Variants in SEMA4D observed in about 807,000 individuals in gnomAD.
The protein encoded by SEMA4D is semaphorin 4D, also known as semaphorin-4D.
SEMA4D carries 22 observed loss-of-function variants against 74.8 expected under a neutral mutation model. The ratio of observed to expected loss-of-function variants is 0.29; its 90% CI spans 0.21 to 0.42. SEMA4D has a LOEUF of 0.42. SEMA4D is among the 10% of genes least tolerant of loss of function. The pLI, the probability that SEMA4D is intolerant of heterozygous loss-of-function variation, is 1.00. For missense variants in SEMA4D, 937 were observed against 1,118.4 expected, an observed-to-expected ratio of 0.84 and a Z score of 2.31; for synonymous variants, 445 against 463.7, an observed-to-expected ratio of 0.96 and a Z score of 0.52.
At chr9:89,427,875 A>C (rs992822906) in intron 2 of SEMA4D, among the ~76,000 whole-genome samples, 5 of 152,042 alleles carry the variant, frequency 3.3e-5, no homozygotes, top group African/African-American at 1.2e-4. Context: ...ATTGCCCCCC[A>C]CACAGTCACC....
At chr9:89,422,370 G>A (rs186763889) in intron 2 of SEMA4D, among the ~76,000 whole-genome samples, 56 of 152,358 alleles carry the variant, frequency 3.7e-4, no homozygotes, top group African/African-American at 1.3e-3. Context: ...CTGGCTTGGG[G>A]AGGGCAGGCC....
intron 2 of SEMA4D, among the ~76,000 whole-genome samples, chr9:89,408,882 C>A (rs888517716): frequency 2.6e-5 from 4 of 152,230 alleles, no homozygotes; most frequent in African/African-American, 4.8e-5. Context: ...CAACCTCTCT[C>A]GTGGCATGTC....
chr9:89,362,398 G>A (rs1346010040), exon 19 of SEMA4D: 1 of 1,614,072 alleles, frequency 6.2e-7, no homozygotes, highest in Non-Finnish European at 8.5e-7. Flanking sequence ...CTCCTTCCTG[G>A]TGGCTACAGG....
At chr9:89,491,347 A>G (rs1412876759) in intron 1 of SEMA4D, among the ~76,000 whole-genome samples, 1 of 152,182 alleles carries the variant, frequency 6.6e-6, no homozygotes, top group Non-Finnish European at 1.5e-5. Flanking sequence ...AGGAGGGTGG[A>G]TCACCTGAGC....
chr9:89,428,749 G>C (rs1046568333), intron 2 of SEMA4D, among the ~76,000 whole-genome samples: 1 of 152,248 alleles, frequency 6.6e-6, no homozygotes, highest in African/African-American at 2.4e-5. Flanking sequence ...CCCACCTCCA[G>C]GGGCAGGGTG....
chr9:89,468,414 C>T (rs1859304281), intron 1 of SEMA4D, among the ~76,000 whole-genome samples: 1 of 152,106 alleles, frequency 6.6e-6, no homozygotes, highest in African/African-American at 2.4e-5. Context: ...ACTTTATGAC[C>T]TAAGATGAAA....
At chr9:89,467,240 C>A (rs1196763173) in intron 1 of SEMA4D, among the ~76,000 whole-genome samples, 2 of 152,178 alleles carry the variant, frequency 1.3e-5, no homozygotes, top group Non-Finnish European at 2.9e-5. Context: ...GTCCTCACAT[C>A]CCCAGCTTCC....
intron 1 of SEMA4D, among the ~76,000 whole-genome samples, chr9:89,487,664 AG>A (rs1205614160): frequency 1.3e-5 from 2 of 152,230 alleles, no homozygotes; most frequent in Non-Finnish European, 2.9e-5. Context: ...ATAGCGACTT[AG>A]CAAGGTTCAC....
intron 1 of SEMA4D, among the ~76,000 whole-genome samples, chr9:89,461,700 C>CTTTT (rs61696689): frequency 0.11 from 11,421 of 103,008 alleles, 983 homozygotes; most frequent in Non-Finnish European, 0.17. Flanking sequence ...TCTTTTTTCT[C>CTTTT]TTTTTTTTTT....
At chr9:89,363,944 G>A in exon 17 of SEMA4D, 1 of 1,614,080 alleles carries the variant, frequency 6.2e-7, no homozygotes, top group South Asian at 1.1e-5. Context: ...GCGAATGTCT[G>A]CAGGACCTGG....
rs561505676 is a variant in SEMA4D at position 89,364,093 on chromosome 9, T to C, written c.1883-143A>G. 1.6e-5 allele frequency: 25 copies of C among 1,539,816 alleles called. No individual in the cohort carries two copies. In the South Asian group the frequency reaches 2.8e-4, roughly 18 times the overall value. Reference sequence around the variant, plus strand: ...CAACTTCCAATTCAGTCCCTGGGACTGCCCTGGAGGTGGCTTCCCCATGGC... The same window carrying C: ...CAACTTCCAATTCAGTCCCTGGGACCGCCCTGGAGGTGGCTTCCCCATGGC... On this transcript the variant is annotated intron_variant, in intron 16 of 18. Coordinates refer to the SEMA4D transcript ENST00000339861.
In SEMA4D at chr9:89,438,964, CTTTTTTTTTTTTTT is replaced by C. The variant is rs57394947; in HGVS notation, c.-244+16910_-244+16923del. ...ATAGGTGTGAGCCACCGCACCGGGC[CTTTTTTTTTTTTTT>C]TTTTTTTTTTTTTTTTTTTTTAACA... On this transcript the variant is annotated intron_variant, in intron 2 of 15. Coordinates refer to ENST00000422704, the MANE Select transcript of SEMA4D (RefSeq NM_001371194.2). Among the ~76,000 whole-genome samples the C allele has an allele frequency of 8.6e-3, 329 of 38,208 alleles. 1 individual carries two copies. The highest frequency in any genetic ancestry group is 0.016 in the African/African-American group (135 of 8,606). The allele number at this position is 38,208 out of a possible 152,430, so 25.1% of individuals were successfully genotyped here. A position where few individuals can be genotyped will look rare whatever the true frequency, so the allele number is the denominator to read the frequency against.
At chr9:89,430,472 A>G (rs568363335) in intron 2 of SEMA4D, among the ~76,000 whole-genome samples, 259 of 152,336 alleles carry the variant, frequency 1.7e-3, no homozygotes, top group African/African-American at 5.9e-3. Context: ...GGCAGCAGCC[A>G]GGCTCGGAGG....
chr9:89,446,908 CCT>C (rs1491273321), intron 2 of SEMA4D, among the ~76,000 whole-genome samples: 3 of 152,160 alleles, frequency 2.0e-5, no homozygotes, highest in Non-Finnish European at 4.4e-5. Flanking sequence ...TGGGCGTGCC[CCT>C]GTGGGATAGG....
At chr9:89,420,422 C>T (rs1479535340) in intron 2 of SEMA4D, among the ~76,000 whole-genome samples, 1 of 152,204 alleles carries the variant, frequency 6.6e-6, no homozygotes, top group Admixed American at 6.5e-5. Context: ...ATCCAATGGC[C>T]TGTTCATCAA....
intron 2 of SEMA4D, among the ~76,000 whole-genome samples, chr9:89,425,829 C>T (rs1847976357): frequency 1.3e-5 from 2 of 152,246 alleles, no homozygotes; most frequent in Admixed American, 1.3e-4. Flanking sequence ...GCAGTGACCC[C>T]AGGACCATGA....
intron 2 of SEMA4D, among the ~76,000 whole-genome samples, chr9:89,451,776 A>G (rs1336258814): frequency 6.6e-6 from 1 of 152,102 alleles, no homozygotes; most frequent in Non-Finnish European, 1.5e-5. Context: ...TAAAAAAAAA[A>G]GACTAAGTTT....
intron 2 of SEMA4D, chr9:89,406,040 G>T: frequency 3.2e-6 from 2 of 633,712 alleles, no homozygotes; most frequent in Non-Finnish European, 2.0e-6. Context: ...TGTCCAGCTG[G>T]TAATGAGATG....
chr9:89,490,135 G>A (rs1174691135), intron 1 of SEMA4D, among the ~76,000 whole-genome samples: 1 of 151,554 alleles, frequency 6.6e-6, no homozygotes, highest in Non-Finnish European at 1.5e-5. Context: ...CTTCTCGCAT[G>A]TTTATTGGCC....
Sources: gnomAD v4.1 joint callset for allele counts (sites outside exome capture counted in the v4.1 genomes callset) on GRCh38, gnomAD v4.1.1 for gene constraint, MANE v1.5 for transcripts, NCBI Gene and HGNC (gene_info 2026-07-23, HGNC 2026-07-21) for gene names.